The following DOK6 variants were observed in gnomAD, a reference collection of about 807,000 sequenced individuals.
DOK6 encodes the protein downstream of tyrosine kinase 6.
In DOK6, 22 loss-of-function variants were observed where a neutral mutation model predicts 44.0. The observed-to-expected ratio is 0.50, with a 90% CI of 0.36 to 0.71. DOK6 has a LOEUF of 0.71. Ranked by LOEUF, DOK6 falls within the 30% of genes least tolerant of loss-of-function variation. The probability of loss-of-function intolerance (pLI) is 0.00; values close to 1 mark genes in which losing one functional copy is unlikely to be tolerated. For missense variants in DOK6, 340 were observed against 416.4 expected (o/e 0.82, Z 1.60); for synonymous variants, 166 against 145.5 (o/e 1.14, Z -1.01).
At chr18:69,430,582 C>G (rs550061403) in intron 1 of DOK6, among the ~76,000 whole-genome samples, 2 of 152,270 alleles carry the variant, frequency 1.3e-5, no homozygotes, top group South Asian at 4.1e-4. Context: ...AGATGTTTTT[C>G]TTTCCCTAAT....
intron 1 of DOK6, among the ~76,000 whole-genome samples, chr18:69,440,753 A>C (rs7504305): frequency 2.0e-5 from 3 of 149,816 alleles, no homozygotes; most frequent in South Asian, 2.1e-4. Context: ...TACACACACA[A>C]ACACACACAC....
At chr18:69,463,026 G>A (rs1979829023) in intron 1 of DOK6, among the ~76,000 whole-genome samples, 1 of 152,166 alleles carries the variant, frequency 6.6e-6, no homozygotes, top group South Asian at 2.1e-4. Flanking sequence ...CATTTGGATG[G>A]CTGTAACAAA....
intron 1 of DOK6, among the ~76,000 whole-genome samples, chr18:69,484,839 G>T (rs1232750584): frequency 6.6e-6 from 1 of 152,022 alleles, no homozygotes; most frequent in East Asian, 1.9e-4. Flanking sequence ...TTTAAATGGT[G>T]ACATCGCCAA....
chr18:69,685,418 T>C (rs1344915036), intron 4 of DOK6, among the ~76,000 whole-genome samples: 3 of 152,194 alleles, frequency 2.0e-5, no homozygotes, highest in Non-Finnish European at 2.9e-5. Flanking sequence ...TTGAGGATAA[T>C]GATAGTCCTT....
At chr18:69,506,894 T>C (rs915486445) in intron 1 of DOK6, among the ~76,000 whole-genome samples, 2 of 151,960 alleles carry the variant, frequency 1.3e-5, no homozygotes, top group African/African-American at 4.8e-5. Flanking sequence ...CACACACATA[T>C]GTACATATAT....
intron 1 of DOK6, among the ~76,000 whole-genome samples, chr18:69,513,678 C>A (rs1307399858): frequency 1.3e-5 from 2 of 152,098 alleles, no homozygotes; most frequent in Non-Finnish European, 2.9e-5. Flanking sequence ...TGGTAAAATT[C>A]TTCAGCAACA....
At chr18:69,819,351 C>T (rs779484591) in intron 7 of DOK6, among the ~76,000 whole-genome samples, 1 of 152,104 alleles carries the variant, frequency 6.6e-6, no homozygotes, top group Non-Finnish European at 1.5e-5. Context: ...TTTTGCTGCT[C>T]ATCAAACAAG....
chr18:69,810,971 A>G (rs1981204994), intron 7 of DOK6, among the ~76,000 whole-genome samples: 2 of 152,116 alleles, frequency 1.3e-5, no homozygotes, highest in African/African-American at 2.4e-5. Flanking sequence ...AGGAAATGAA[A>G]TCAGTACATC....
At chr18:69,652,553 CAGG>C (rs1985256255) in intron 3 of DOK6, among the ~76,000 whole-genome samples, 1 of 152,134 alleles carries the variant, frequency 6.6e-6, no homozygotes, top group Non-Finnish European at 1.5e-5. Flanking sequence ...CGGGCAGCAT[CAGG>C]AGAACTCTAG....
intron 7 of DOK6, among the ~76,000 whole-genome samples, chr18:69,822,589 C>CT (rs1359355470): frequency 6.6e-6 from 1 of 152,154 alleles, no homozygotes; most frequent in East Asian, 1.9e-4. Flanking sequence ...GAGACATTAT[C>CT]TTTTTTGTAC....
intron 7 of DOK6, among the ~76,000 whole-genome samples, chr18:69,773,835 C>T (rs1419011849): frequency 6.6e-6 from 1 of 151,310 alleles, no homozygotes; most frequent in East Asian, 1.9e-4. Context: ...CTAATACAAC[C>T]ACTATGGAAA....
At chr18:69,503,741 CCA>C (rs754811199) in intron 1 of DOK6, among the ~76,000 whole-genome samples, 2 of 151,822 alleles carry the variant, frequency 1.3e-5, no homozygotes, top group South Asian at 2.1e-4. Flanking sequence ...AATTTTAATT[CCA>C]GTTACAAAAA....
At chr18:69,487,740 G>A (rs76940093) in intron 1 of DOK6, among the ~76,000 whole-genome samples, 2,016 of 152,234 alleles carry the variant, frequency 0.013, 38 homozygotes, top group African/African-American at 0.044. Flanking sequence ...TCTAGAGCGG[G>A]AGATCTTAGC....
chr18:69,821,372 T>A (rs1309407710), intron 7 of DOK6, among the ~76,000 whole-genome samples: 2 of 152,156 alleles, frequency 1.3e-5, no homozygotes, highest in African/African-American at 4.8e-5. Flanking sequence ...AACTGTCTGT[T>A]ACGGGGGTGG....
chr18:69,719,217 G>A (rs1009443346), intron 5 of DOK6, among the ~76,000 whole-genome samples: 1 of 152,096 alleles, frequency 6.6e-6, no homozygotes, highest in Non-Finnish European at 1.5e-5. Flanking sequence ...AAATTTGGAG[G>A]GCAGGGGGCT....
intron 3 of DOK6, among the ~76,000 whole-genome samples, chr18:69,621,318 C>T (rs572243118): frequency 5.3e-5 from 8 of 152,236 alleles, no homozygotes; most frequent in African/African-American, 1.9e-4. Flanking sequence ...GACTGAGACT[C>T]AGTAAGTGCT....
intron 2 of DOK6, among the ~76,000 whole-genome samples, chr18:69,569,059 C>T (rs1251803610): frequency 6.6e-6 from 1 of 152,012 alleles, no homozygotes; most frequent in Non-Finnish European, 1.5e-5. Context: ...CCCACAAACC[C>T]CCTGGTCCAT....
intron 7 of DOK6, among the ~76,000 whole-genome samples, chr18:69,805,283 A>T (rs946230698): frequency 3.0e-4 from 45 of 152,170 alleles, no homozygotes; most frequent in African/African-American, 1.1e-3. Flanking sequence ...GTTCATGAGC[A>T]TGTATAGGTT....
At chr18:69,742,034 C>T (rs933128209) in intron 6 of DOK6, among the ~76,000 whole-genome samples, 1 of 152,104 alleles carries the variant, frequency 6.6e-6, no homozygotes, top group Non-Finnish European at 1.5e-5. Flanking sequence ...CTTTGGGGGG[C>T]CACATGAATA....
Sources: gnomAD v4.1 joint callset for allele counts (sites outside exome capture counted in the v4.1 genomes callset) on GRCh38, gnomAD v4.1.1 for gene constraint, MANE v1.5 for transcripts, NCBI Gene and HGNC (gene_info 2026-07-23, HGNC 2026-07-21) for gene names.